Variants in MGMT observed in about 807,000 individuals in gnomAD.
The protein encoded by MGMT is methylated-DNA--protein-cysteine methyltransferase.
A neutral mutation model predicts 15.9 loss-of-function variants in MGMT; 14 were observed. The observed-to-expected ratio is 0.88, with a 90% confidence interval of 0.58 to 1.37. The LOEUF (loss-of-function observed/expected upper bound fraction) is 1.37, where lower values mean the gene tolerates loss of function less well. MGMT is among the 40% of genes most tolerant of loss of function. The probability of loss-of-function intolerance (pLI) is 0.00; values close to 1 mark genes in which losing one functional copy is unlikely to be tolerated. For missense variants in MGMT, 282 were observed against 268.1 expected (o/e 1.05, Z -0.36); for synonymous variants, 130 against 118.2 (o/e 1.10, Z -0.65).
chr10:129,502,943 C>T (rs904842501), intron 1 of MGMT, among the ~76,000 whole-genome samples: 3 of 152,162 alleles, frequency 2.0e-5, no homozygotes, highest in Admixed American at 2.0e-4. Flanking sequence ...TTTTACGGCT[C>T]TACCCCGTAT....
chr10:129,689,147 C>T (rs1185594188), intron 2 of MGMT, among the ~76,000 whole-genome samples: 2 of 152,124 alleles, frequency 1.3e-5, no homozygotes, highest in Non-Finnish European at 2.9e-5. Context: ...CCAGGTTTGT[C>T]TCAAATTCCT....
intron 2 of MGMT, among the ~76,000 whole-genome samples, chr10:129,542,784 C>T (rs922986662): frequency 1.3e-5 from 2 of 152,190 alleles, no homozygotes; most frequent in African/African-American, 4.8e-5. Flanking sequence ...CCTGGCGAGC[C>T]TGGAACCCCT....
In MGMT at chr10:129,532,717, G is replaced by A. The variant is rs550889632; in HGVS notation, c.-12-3524G>A. Among the ~76,000 whole-genome samples, 12 of 152,264 alleles carry A rather than the reference G, an allele frequency of 7.9e-5. No individual in the cohort carries two copies. The highest frequency in any genetic ancestry group is 4.1e-4 in the South Asian group (2 of 4,824). ...AATGGCGTGACAGCCCTTCCAGCCC[G>A]TCACGGTGTGTAGTGCCCAAAGCCC... On this transcript the variant is annotated intron_variant, in intron 1 of 4. Coordinates refer to ENST00000651593, the MANE Select transcript of MGMT (RefSeq NM_002412.5). The surrounding 1 kb of genome is among the most constrained non-coding windows in gnomAD (Gnocchi z 5.3).
At chr10:129,497,653 T>C (rs1266957074) in intron 1 of MGMT, among the ~76,000 whole-genome samples, 1 of 152,218 alleles carries the variant, frequency 6.6e-6, no homozygotes, top group African/African-American at 2.4e-5. Flanking sequence ...TCTCCTCTAG[T>C]GCAATGGTCT....
chr10:129,470,928 G>A (rs887424506), intron 1 of MGMT, among the ~76,000 whole-genome samples: 3 of 152,160 alleles, frequency 2.0e-5, no homozygotes, highest in African/African-American at 7.2e-5. Context: ...GAAAGGAATG[G>A]TGAGAGTGCA....
intron 1 of MGMT, among the ~76,000 whole-genome samples, chr10:129,492,169 G>T (rs939418738): frequency 1.3e-5 from 2 of 152,050 alleles, no homozygotes; most frequent in Non-Finnish European, 2.9e-5. Context: ...GTCAGGGCTG[G>T]CCTGTTATTT....
At chr10:129,580,531 G>T (rs1352757447) in intron 2 of MGMT, among the ~76,000 whole-genome samples, 1 of 152,158 alleles carries the variant, frequency 6.6e-6, no homozygotes, top group African/African-American at 2.4e-5. Context: ...CTAGGCTGGG[G>T]CTCAGTGATA....
chr10:129,666,612 A>G (rs1476828961), intron 2 of MGMT, among the ~76,000 whole-genome samples: 2 of 152,202 alleles, frequency 1.3e-5, no homozygotes, highest in Non-Finnish European at 2.9e-5. Flanking sequence ...GTACTTGGCC[A>G]TTCTGCTAAA....
At chr10:129,534,173 C>G (rs1290201309) in intron 1 of MGMT, among the ~76,000 whole-genome samples, 1 of 152,058 alleles carries the variant, frequency 6.6e-6, no homozygotes, top group East Asian at 1.9e-4. Flanking sequence ...GGTGGGAGGC[C>G]GTGATTTGCA....
chr10:129,742,588 T>C (rs1339425871), intron 3 of MGMT, among the ~76,000 whole-genome samples: 1 of 149,280 alleles, frequency 6.7e-6, no homozygotes, highest in Non-Finnish European at 1.5e-5. Flanking sequence ...GGCTGGGGCG[T>C]TCAGCAGTGC....
chr10:129,477,001 G>A (rs1845302844), intron 1 of MGMT, among the ~76,000 whole-genome samples: 1 of 152,118 alleles, frequency 6.6e-6, no homozygotes, highest in Non-Finnish European at 1.5e-5. Context: ...TCTCAGGCCA[G>A]GCAAGTCTGT....
chr10:129,599,491 A>G (rs1564864515), intron 2 of MGMT, among the ~76,000 whole-genome samples: 1 of 152,192 alleles, frequency 6.6e-6, no homozygotes, highest in Non-Finnish European at 1.5e-5. Flanking sequence ...TTGCGCATTT[A>G]TCATCCCTTC....
At chr10:129,501,577 G>A (rs1845575033) in intron 1 of MGMT, among the ~76,000 whole-genome samples, 1 of 152,136 alleles carries the variant, frequency 6.6e-6, no homozygotes, top group Non-Finnish European at 1.5e-5. Context: ...TATTTGATAA[G>A]TCAGTCATTT....
chr10:129,660,742 T>C (rs1399161776), intron 2 of MGMT, among the ~76,000 whole-genome samples: 1 of 151,378 alleles, frequency 6.6e-6, no homozygotes, highest in East Asian at 1.9e-4. Flanking sequence ...GGGAGACCTT[T>C]TCTTTTCACA....
At chr10:129,738,438 A>G (rs527834310) in intron 3 of MGMT, among the ~76,000 whole-genome samples, 16 of 152,272 alleles carry the variant, frequency 1.1e-4, no homozygotes, top group African/African-American at 3.9e-4. Flanking sequence ...GCACCCACTG[A>G]CCTGCGCCCA....
intron 2 of MGMT, among the ~76,000 whole-genome samples, chr10:129,571,310 C>G (rs1482351426): frequency 6.6e-6 from 1 of 152,148 alleles, no homozygotes; most frequent in Non-Finnish European, 1.5e-5. Flanking sequence ...ATAAACACCC[C>G]TAAGTCTAAT....
intron 2 of MGMT, among the ~76,000 whole-genome samples, chr10:129,602,010 G>C (rs531840815): frequency 6.6e-6 from 1 of 152,126 alleles, no homozygotes; most frequent in African/African-American, 2.4e-5. Flanking sequence ...TTTGACTGGC[G>C]ACAGTTGCAG....
At chr10:129,564,107 T>G (rs2119814617) in intron 2 of MGMT, 1 of 152,900 alleles carries the variant, frequency 6.5e-6, no homozygotes, top group East Asian at 1.9e-4. Flanking sequence ...GGTGACTTTC[T>G]GTTCTGAAAA....
At chr10:129,489,577 A>G (rs963397734) in intron 1 of MGMT, among the ~76,000 whole-genome samples, 2 of 152,076 alleles carry the variant, frequency 1.3e-5, no homozygotes, top group Non-Finnish European at 2.9e-5. Flanking sequence ...TCTTTAGGAT[A>G]TGAATCTGCC....
Sources: gnomAD v4.1 joint callset for allele counts (sites outside exome capture counted in the v4.1 genomes callset) on GRCh38, gnomAD v4.1.1 for gene constraint, Gnocchi (gnomAD v3.1) non-coding constraint, MANE v1.5 for transcripts, NCBI Gene and HGNC (gene_info 2026-07-23, HGNC 2026-07-21) for gene names.